SCFD2: variants seen among roughly 807,000 people sequenced by gnomAD.
SCFD2 encodes sec1 family domain containing 2.
In SCFD2, 54 loss-of-function variants were observed where a neutral mutation model predicts 58.9. That is an observed-to-expected ratio of 0.92 (90% CI 0.74 to 1.15). The LOEUF (loss-of-function observed/expected upper bound fraction) is 1.15, where lower values mean the gene tolerates loss of function less well. Among genes scored for constraint, SCFD2 ranks in the 50% most tolerant of loss-of-function variants. SCFD2 has a pLI of 0.00. For missense variants in SCFD2, 805 were observed against 836.6 expected, an observed-to-expected ratio of 0.96 and a Z score of 0.47; for synonymous variants, 321 against 335.9, an observed-to-expected ratio of 0.96 and a Z score of 0.49.
At chr4:52,988,852 C>G (rs1577882826) in intron 5 of SCFD2, among the ~76,000 whole-genome samples, 1 of 152,154 alleles carries the variant, frequency 6.6e-6, no homozygotes. Context: ...TCTCCCCCAC[C>G]TTTTTGATGA....
chr4:52,997,633 C>A (rs942821047), intron 5 of SCFD2, among the ~76,000 whole-genome samples: 1 of 152,172 alleles, frequency 6.6e-6, no homozygotes, highest in African/African-American at 2.4e-5. Context: ...AAAAGGCCAA[C>A]CTCAGGGCTT....
At chr4:53,024,844 C>T (rs560106528) in intron 5 of SCFD2, among the ~76,000 whole-genome samples, 26 of 152,064 alleles carry the variant, frequency 1.7e-4, no homozygotes, top group African/African-American at 6.3e-4. Flanking sequence ...CTCAGATTAT[C>T]GCAGGGCCCA....
chr4:53,030,173 A>G (rs1384473093), intron 5 of SCFD2, among the ~76,000 whole-genome samples: 1 of 152,232 alleles, frequency 6.6e-6, no homozygotes. Flanking sequence ...ATTTGAACTG[A>G]TACTTTACCT....
intron 5 of SCFD2, among the ~76,000 whole-genome samples, chr4:52,989,049 G>T (rs970187843): frequency 1.3e-5 from 2 of 152,182 alleles, no homozygotes; most frequent in Non-Finnish European, 2.9e-5. Context: ...TATAGAAAGA[G>T]AAACCTAACA....
chr4:52,937,971 T>C (rs1049101540), intron 5 of SCFD2, among the ~76,000 whole-genome samples: 1 of 152,204 alleles, frequency 6.6e-6, no homozygotes, highest in African/African-American at 2.4e-5. Context: ...GTAGTGCTCA[T>C]ACATTGATTC....
chr4:53,064,435 G>A (rs112318038), intron 5 of SCFD2, among the ~76,000 whole-genome samples: 2 of 91,200 alleles, frequency 2.2e-5, no homozygotes, highest in Admixed American at 1.0e-4. Flanking sequence ...GGAAATGGAA[G>A]GGTGGAGACT....
At chr4:53,357,933 C>A (rs1480867795) in intron 1 of SCFD2, among the ~76,000 whole-genome samples, 4 of 152,216 alleles carry the variant, frequency 2.6e-5, no homozygotes, top group Non-Finnish European at 5.9e-5. Flanking sequence ...AGCTCTGCCA[C>A]TTAACACATG....
intron 4 of SCFD2, among the ~76,000 whole-genome samples, chr4:53,234,059 TCA>T (rs969230175): frequency 9.8e-5 from 15 of 152,340 alleles, no homozygotes; most frequent in African/African-American, 3.4e-4. Context: ...AAAGCAGGAC[TCA>T]GATACTCATA....
intron 5 of SCFD2, among the ~76,000 whole-genome samples, chr4:52,940,582 A>G (rs1391892498): frequency 6.6e-6 from 1 of 152,200 alleles, no homozygotes; most frequent in African/African-American, 2.4e-5. Flanking sequence ...GGGGATTCCA[A>G]TTGCAGCTAG....
At chr4:53,278,369 A>G (rs1011041044) in intron 3 of SCFD2, among the ~76,000 whole-genome samples, 2 of 150,878 alleles carry the variant, frequency 1.3e-5, no homozygotes, top group East Asian at 3.9e-4. Flanking sequence ...AAAAAAAAAA[A>G]AAAAGAAAAA....
At chr4:53,258,381 T>A (rs1177826885) in intron 4 of SCFD2, among the ~76,000 whole-genome samples, 1 of 151,936 alleles carries the variant, frequency 6.6e-6, no homozygotes, top group Admixed American at 6.6e-5. Context: ...TGTGTCTTCA[T>A]AGCCTAGTTC....
At chr4:53,115,019 T>C (rs180727746) in intron 5 of SCFD2, among the ~76,000 whole-genome samples, 1 of 151,892 alleles carries the variant, frequency 6.6e-6, no homozygotes, top group African/African-American at 2.4e-5. Flanking sequence ...TAAAATGGAG[T>C]ATTAAAAAAA....
intron 4 of SCFD2, among the ~76,000 whole-genome samples, chr4:53,175,372 C>T (rs1727297389): frequency 6.6e-6 from 1 of 151,988 alleles, no homozygotes; most frequent in Non-Finnish European, 1.5e-5. Context: ...TAAAATATAA[C>T]AAAAAATCCT....
rs17082527 is a variant in SCFD2 at position 53,223,510 on chromosome 4, G to A, written c.1311+50316C>T. 8.8e-3 allele frequency among the ~76,000 whole-genome samples: 1,334 copies of A among 152,274 alleles called. 18 individuals carry two copies. Among genetic ancestry groups the A allele is most frequent in the African/African-American group, 0.03 (1,258 of 41,540 alleles). On this transcript the variant is annotated intron_variant, in intron 4 of 8. Coordinates refer to ENST00000401642, the MANE Select transcript of SCFD2 (RefSeq NM_152540.4). ...CCTGCCATGTGAGATCCTGCAACATGCTATGCGCTATCAGAACTCTGTGTC... is the reference window on the plus strand; with the variant it reads ...CCTGCCATGTGAGATCCTGCAACATACTATGCGCTATCAGAACTCTGTGTC...
intron 6 of SCFD2, among the ~76,000 whole-genome samples, chr4:52,919,675 C>T (rs568607967): frequency 6.6e-6 from 1 of 152,300 alleles, no homozygotes; most frequent in East Asian, 1.9e-4. Context: ...CTTGGCCTTC[C>T]CGGATCTTGG....
chr4:53,120,216 T>C (rs1413816964), intron 5 of SCFD2, among the ~76,000 whole-genome samples: 1 of 152,168 alleles, frequency 6.6e-6, no homozygotes, highest in Non-Finnish European at 1.5e-5. Flanking sequence ...GACAAAAAAC[T>C]AAATTAAAAA....
At chr4:52,918,529 A>T (rs1719660413) in intron 6 of SCFD2, among the ~76,000 whole-genome samples, 1 of 152,188 alleles carries the variant, frequency 6.6e-6, no homozygotes, top group Admixed American at 6.5e-5. Flanking sequence ...AATTACCCAT[A>T]ATCCCATTAA....
At chr4:52,960,103 A>T (rs1720810373) in intron 5 of SCFD2, among the ~76,000 whole-genome samples, 1 of 152,098 alleles carries the variant, frequency 6.6e-6, no homozygotes, top group Non-Finnish European at 1.5e-5. Context: ...TCACCCTATT[A>T]TCTTCAGTCT....
At chr4:53,133,811 G>A (rs1282260751) in intron 5 of SCFD2, among the ~76,000 whole-genome samples, 1 of 152,166 alleles carries the variant, frequency 6.6e-6, no homozygotes, top group Non-Finnish European at 1.5e-5. Flanking sequence ...TTCTAGTGGG[G>A]AATGTAAGAG....
Sources: gnomAD v4.1 joint callset for allele counts (sites outside exome capture counted in the v4.1 genomes callset) on GRCh38, gnomAD v4.1.1 for gene constraint, MANE v1.5 for transcripts, NCBI Gene and HGNC (gene_info 2026-07-23, HGNC 2026-07-21) for gene names.